Variants in CLNK observed in about 807,000 individuals in gnomAD.
The protein encoded by CLNK is cytokine-dependent hematopoietic cell linker.
A neutral mutation model predicts 68.6 loss-of-function variants in CLNK; 74 were observed. The ratio of observed to expected loss-of-function variants is 1.08; its 90% CI spans 0.89 to 1.31. The LOEUF (loss-of-function observed/expected upper bound fraction) is 1.31. CLNK is among the 50% of genes most tolerant of loss of function. CLNK has a pLI of 0.00. For synonymous variants in CLNK, 198 were observed against 172.2 expected, an observed-to-expected ratio of 1.15 and a Z score of -1.17; for missense variants, 553 against 515.3, an observed-to-expected ratio of 1.07 and a Z score of -0.71.
At position 10,490,619 on chromosome 4, in the gene CLNK, A is replaced by C; in HGVS notation, c.1141-6T>G. On this transcript the variant is annotated splice_polypyrimidine_tract_variant and splice_region_variant and intron_variant, in intron 18 of 18. Transcript: ENST00000226951. ...TCTTCTACTGAATCAAACTTCTGAAACACAGAAAAGAAAGTTAATGACTTT... is the reference window on the plus strand; with the variant it reads ...TCTTCTACTGAATCAAACTTCTGAACCACAGAAAAGAAAGTTAATGACTTT... The C allele has an allele frequency of 6.4e-7, 1 of 1,558,668 alleles. No individual in the cohort carries two copies.
chr4:10,620,741 G>A (rs1722414035), intron 2 of CLNK, among the ~76,000 whole-genome samples: 1 of 152,108 alleles, frequency 6.6e-6, no homozygotes, highest in Non-Finnish European at 1.5e-5. Context: ...TGACAGTACA[G>A]TGATGTAACT....
intron 7 of CLNK, among the ~76,000 whole-genome samples, chr4:10,563,079 T>A (rs1719963666): frequency 6.6e-6 from 1 of 152,232 alleles, no homozygotes; most frequent in Non-Finnish European, 1.5e-5. Context: ...GCTCCTTCAG[T>A]CTCTATCAGA....
At chr4:10,704,785 C>A in the CLNK span, among the ~76,000 whole-genome samples, 1 of 152,214 alleles carries the variant, frequency 6.6e-6, no homozygotes, top group Non-Finnish European at 1.5e-5. Context: ...AAGCTCAGAG[C>A]CCTGAACTTG....
At chr4:10,621,210 C>T (rs914243228) in intron 2 of CLNK, among the ~76,000 whole-genome samples, 3 of 152,172 alleles carry the variant, frequency 2.0e-5, no homozygotes, top group African/African-American at 7.2e-5. Context: ...GGACGTTTTT[C>T]CACAGTATGT....
chr4:10,539,870 T>C (rs1233323860), intron 11 of CLNK, among the ~76,000 whole-genome samples: 1 of 152,238 alleles, frequency 6.6e-6, no homozygotes, highest in Non-Finnish European at 1.5e-5. Flanking sequence ...ACATAAAATA[T>C]GCTGATTCTG....
At chr4:10,638,463 A>G (rs1366926564) in intron 2 of CLNK, among the ~76,000 whole-genome samples, 1 of 152,188 alleles carries the variant, frequency 6.6e-6, no homozygotes, top group Admixed American at 6.5e-5. Context: ...ATGACATGGA[A>G]TTTGCCCAGG....
chr4:10,532,280 C>T lies in CLNK; in HGVS notation c.606G>A (p.Gln202=). ...TFPEVQRMPS[Q]ISLRDLSEVL... The stretch of plus-strand genomic sequence containing the variant: ...CCTCACTTAAGTCCCTTAAGCTTAT[C>T]TGACTGCAAGAAAAAGAAATACGGT... Residue 202 remains glutamine (Q), a synonymous_variant, in exon 12 of 19, where the codon CAG becomes CAA. Transcript: ENST00000226951. 1 of 1,609,646 alleles carries T rather than the reference C, an allele frequency of 6.2e-7. No homozygotes were observed. The highest frequency in any genetic ancestry group is 1.3e-5 in the African/African-American group (1 of 74,980).
chr4:10,643,013 C>G (rs1445302244), intron 2 of CLNK, among the ~76,000 whole-genome samples: 3 of 152,174 alleles, frequency 2.0e-5, no homozygotes, highest in South Asian at 4.2e-4. Flanking sequence ...CACATACAGA[C>G]AGACAGACAA....
chr4:10,527,944 G>GA, intron 13 of CLNK, 132 bp downstream of exon 13: 1 of 413,336 alleles, frequency 2.4e-6, no homozygotes, highest in Non-Finnish European at 4.2e-6. Flanking sequence ...TCACGTCATC[G>GA]TTCACACACA....
At chr4:10,498,609 C>G (rs1328118671) in intron 18 of CLNK, among the ~76,000 whole-genome samples, 5 of 152,246 alleles carry the variant, frequency 3.3e-5, no homozygotes, top group African/African-American at 1.2e-4. Flanking sequence ...AAGTCCATTA[C>G]CATAGGCATC....
chr4:10,730,282 A>T, the CLNK span, among the ~76,000 whole-genome samples: 3 of 152,066 alleles, frequency 2.0e-5, no homozygotes, highest in African/African-American at 7.2e-5. Flanking sequence ...CCCCCATTTC[A>T]CTAAGTGATA....
intron 2 of CLNK, among the ~76,000 whole-genome samples, chr4:10,660,461 T>C (rs556181689): frequency 6.6e-6 from 1 of 152,378 alleles, no homozygotes; most frequent in African/African-American, 2.4e-5. Flanking sequence ...ATTCATTTAG[T>C]GGTAGTTTCT....
chr4:10,544,068 A>T (rs1381931615), intron 8 of CLNK, among the ~76,000 whole-genome samples: 1 of 152,222 alleles, frequency 6.6e-6, no homozygotes, highest in Non-Finnish European at 1.5e-5. Flanking sequence ...TCCCTGGTGG[A>T]CCATCTTGCT....
intron 3 of CLNK, among the ~76,000 whole-genome samples, chr4:10,592,577 A>G (rs973717602): frequency 1.8e-4 from 27 of 151,962 alleles, no homozygotes; most frequent in African/African-American, 6.0e-4. Context: ...GGCTCTCGGT[A>G]TACTACAGAT....
At chr4:10,619,175 T>A (rs1722335264) in intron 2 of CLNK, among the ~76,000 whole-genome samples, 1 of 152,206 alleles carries the variant, frequency 6.6e-6, no homozygotes, top group African/African-American at 2.4e-5. Flanking sequence ...TACTTGCAGG[T>A]AGGCGAACAC....
the CLNK span, among the ~76,000 whole-genome samples, chr4:10,721,620 A>G: frequency 6.6e-6 from 1 of 152,208 alleles, no homozygotes; most frequent in African/African-American, 2.4e-5. Context: ...TTGTCCACAC[A>G]TTTATATTTT....
chr4:10,529,456 C>A (rs1250311089), intron 12 of CLNK, among the ~76,000 whole-genome samples: 1 of 152,174 alleles, frequency 6.6e-6, no homozygotes, highest in Non-Finnish European at 1.5e-5. Context: ...AGATAAGAAA[C>A]TTTTGGCAAC....
At chr4:10,590,906 A>G (rs1184769808) in intron 3 of CLNK, among the ~76,000 whole-genome samples, 1 of 152,168 alleles carries the variant, frequency 6.6e-6, no homozygotes, top group African/African-American at 2.4e-5. Flanking sequence ...CCATTGTAAA[A>G]TATCACTAGT....
At chr4:10,495,358 G>T (rs1348691528) in intron 18 of CLNK, among the ~76,000 whole-genome samples, 3 of 152,182 alleles carry the variant, frequency 2.0e-5, no homozygotes, top group African/African-American at 4.8e-5. Flanking sequence ...TCCTTGGCTG[G>T]CTAGGGCTGA....
Sources: allele counts gnomAD v4.1 joint callset (sites outside exome capture counted in the v4.1 genomes callset), GRCh38; gene constraint gnomAD v4.1.1; transcripts MANE v1.5; gene names NCBI Gene and HGNC (gene_info 2026-07-23, HGNC 2026-07-21).